The following AFTPH variants were observed in gnomAD, a reference collection of about 807,000 sequenced individuals.
The protein encoded by AFTPH is aftiphilin.
In AFTPH, 7 loss-of-function variants were observed where a neutral mutation model predicts 72.5. The observed-to-expected ratio is 0.10, with a 90% CI of 0.05 to 0.18. AFTPH has a LOEUF of 0.18. AFTPH is among the 10% of genes least tolerant of loss of function. AFTPH has a pLI of 1.00. For missense variants in AFTPH, 979 were observed against 1,060.5 expected, an observed-to-expected ratio of 0.92 and a Z score of 1.07; for synonymous variants, 337 against 370.1, an observed-to-expected ratio of 0.91 and a Z score of 1.03.
intron 1 of AFTPH, among the ~76,000 whole-genome samples, chr2:64,550,676 T>TGC (rs1491446485): frequency 4.1e-4 from 31 of 75,976 alleles, no homozygotes; most frequent in Admixed American, 6.1e-4. Context: ...ACTGTACGCA[T>TGC]GCACACACAC....
At chr2:64,559,182 T>C (rs1671566686) in intron 2 of AFTPH, among the ~76,000 whole-genome samples, 2 of 152,208 alleles carry the variant, frequency 1.3e-5, no homozygotes, top group African/African-American at 4.8e-5. Context: ...AGACTTGCAA[T>C]ACACTTAATC....
At chr2:64,574,829 C>T (rs1672666737) in intron 6 of AFTPH, among the ~76,000 whole-genome samples, 1 of 152,238 alleles carries the variant, frequency 6.6e-6, no homozygotes, top group Non-Finnish European at 1.5e-5. Flanking sequence ...CGCCCTCTGG[C>T]TATAAACTGC....
intron 1 of AFTPH, among the ~76,000 whole-genome samples, chr2:64,545,605 A>AAAAAAAAAAAAAAAAAAC (rs1670547592): frequency 1.6e-5 from 2 of 128,742 alleles, no homozygotes; most frequent in African/African-American, 3.2e-5. Flanking sequence ...AAAAAAAAAA[A>AAAAAAAAAAAAAAAAAAC]AAAAAAAGAC....
chr2:64,550,728 C>CACAA (rs1553398435), intron 1 of AFTPH, among the ~76,000 whole-genome samples: 3 of 141,994 alleles, frequency 2.1e-5, no homozygotes, highest in Admixed American at 6.9e-5. Context: ...CACACACACA[C>CACAA]ACAACTGGTG....
intron 5 of AFTPH, among the ~76,000 whole-genome samples, chr2:64,570,199 C>T (rs183568631): frequency 2.6e-4 from 40 of 152,202 alleles, no homozygotes; most frequent in Admixed American, 1.1e-3. Context: ...CAGGTAGTCC[C>T]GGAAAACTGA....
chr2:64,579,398 G>A (rs1477577691), intron 6 of AFTPH, 88 bp from the exon 7 acceptor site: 1 of 995,534 alleles, frequency 1.0e-6, no homozygotes, highest in Non-Finnish European at 1.5e-6. Flanking sequence ...GTTGCCTAAT[G>A]GTCTTGCTAT....
At chr2:64,581,247 GCT>G in intron 7 of AFTPH, 1 of 1,599,768 alleles carries the variant, frequency 6.3e-7, no homozygotes, top group Non-Finnish European at 8.5e-7. Flanking sequence ...GATGACAGTA[GCT>G]CTAGCAGCAG....
chr2:64,567,615 A>G, exon 3 of AFTPH: 1 of 1,613,732 alleles, frequency 6.2e-7, no homozygotes, highest in Non-Finnish European at 8.5e-7. Context: ...TTCCTTCCAT[A>G]CTTGTCCCTG....
chr2:64,563,762 C>G (rs997422609), intron 2 of AFTPH, among the ~76,000 whole-genome samples: 2 of 152,176 alleles, frequency 1.3e-5, no homozygotes, highest in African/African-American at 2.4e-5. Flanking sequence ...CCAGCCACCA[C>G]GCCCAGCTAA....
intron 1 of AFTPH, among the ~76,000 whole-genome samples, chr2:64,530,832 C>T (rs149253259): frequency 0.011 from 1,700 of 151,920 alleles, 17 homozygotes; most frequent in Non-Finnish European, 0.018. Flanking sequence ...GAGGCCGAGG[C>T]GGGAGTATCA....
chr2:64,549,309 T>C (rs930678845), intron 1 of AFTPH, among the ~76,000 whole-genome samples: 1 of 8,032 alleles, frequency 1.2e-4, no homozygotes. Context: ...TAGTCCTCCC[T>C]TTTTTTTTTT....
At chr2:64,543,657 T>A (rs1670391428) in intron 1 of AFTPH, among the ~76,000 whole-genome samples, 1 of 152,236 alleles carries the variant, frequency 6.6e-6, no homozygotes, top group Non-Finnish European at 1.5e-5. Flanking sequence ...TGCAGTGGCA[T>A]CTTTATCACA....
chr2:64,559,385 A>G (rs1215729433), intron 2 of AFTPH, among the ~76,000 whole-genome samples: 1 of 152,178 alleles, frequency 6.6e-6, no homozygotes, highest in Non-Finnish European at 1.5e-5. Flanking sequence ...CATAAGCTGG[A>G]GACCCAAGAG....
intron 3 of AFTPH, 73 bp downstream of exon 3, chr2:64,567,786 T>G (rs1461366679): frequency 5.1e-5 from 77 of 1,519,350 alleles, no homozygotes; most frequent in South Asian, 2.9e-4. Flanking sequence ...AAGTTTATCT[T>G]AAAACATTAA....
At chr2:64,590,338 T>C (rs1210002548) in intron 8 of AFTPH, among the ~76,000 whole-genome samples, 2 of 152,212 alleles carry the variant, frequency 1.3e-5, no homozygotes, top group Admixed American at 6.5e-5. Context: ...TCCTGTAAAT[T>C]GGAAATTATA....
At chr2:64,591,926 T>A in exon 9 of AFTPH, 1 of 1,614,056 alleles carries the variant, frequency 6.2e-7, no homozygotes. Context: ...GAAGAAGCTA[T>A]CAAGGTGATC....
intron 2 of AFTPH, among the ~76,000 whole-genome samples, chr2:64,555,218 T>C (rs1671280646): frequency 6.6e-6 from 1 of 152,216 alleles, no homozygotes; most frequent in Non-Finnish European, 1.5e-5. Flanking sequence ...ATAGTATGAT[T>C]CTTTTTTTTA....
In AFTPH at chr2:64,573,050, T is replaced by C. The variant is rs554708226; in HGVS notation, c.2376T>C (p.Cys792=). The change falls in exon 6 of 9, where the codon TGT becomes TGC. Residue 792 remains cysteine, a synonymous_variant. Coordinates refer to ENST00000238856, the Ensembl canonical transcript of AFTPH. ...CCATGTCACCAGATATGAACACATG[T>C]ACATCTGATCAGTTCCAGGTAAAAA... 20 of 1,614,040 alleles carry C rather than the reference T, an allele frequency of 1.2e-5. No homozygotes were observed. The African/African-American group carries it at 2.7e-4, about 22-fold the overall frequency.
exon 3 of AFTPH, chr2:64,567,595 G>A: frequency 1.2e-6 from 2 of 1,612,292 alleles, no homozygotes; most frequent in Non-Finnish European, 1.7e-6. Flanking sequence ...GCGAATTTTC[G>A]AAGCATGTTT....
Sources: allele counts gnomAD v4.1 joint callset (sites outside exome capture counted in the v4.1 genomes callset), GRCh38; gene constraint gnomAD v4.1.1; transcripts MANE v1.5; gene names NCBI Gene and HGNC (gene_info 2026-07-23, HGNC 2026-07-21).